CTNNBIP1: variants seen among roughly 807,000 people sequenced by gnomAD.
The protein encoded by CTNNBIP1 is beta-catenin-interacting protein 1.
CTNNBIP1 carries 7 observed loss-of-function variants against 11.8 expected under a neutral mutation model. That is an observed-to-expected ratio of 0.60 (90% CI 0.34 to 1.12). The LOEUF is 1.12. CTNNBIP1 is among the 50% of genes most tolerant of loss of function. The pLI, the probability that CTNNBIP1 is intolerant of heterozygous loss-of-function variation, is 0.03. For synonymous variants in CTNNBIP1, 58 were observed against 43.9 expected, an observed-to-expected ratio of 1.32 and a Z score of -1.26; for missense variants, 101 against 113.4, an observed-to-expected ratio of 0.89 and a Z score of 0.50.
chr1:9,871,230 G>T lies in CTNNBIP1; in HGVS notation c.144C>A (p.Val48=). 6.3e-7 allele frequency: 1 copy of T among 1,581,914 alleles called. No individual in the cohort carries two copies. The highest frequency in any genetic ancestry group is 8.6e-7 in the Non-Finnish European group (1 of 1,164,836). ...EEFLRTYAGV[V]NSQLSQLPPH... ...GAGGCAGCTGGCTGAGCTGGCTGTT[G>T]ACCACCCCTGCATAGGTGCGCAGGA... Residue 48 remains valine (V), a synonymous_variant, in exon 5 of 6, where the codon GTC becomes GTA. Coordinates refer to ENST00000377263, the MANE Select transcript of CTNNBIP1 (RefSeq NM_020248.3). This position sits in a 1 kb window ranked among gnomAD's most constrained non-coding sequence, Gnocchi z 5.2.
At chr1:9,865,773 T>C (rs567673715) in intron 5 of CTNNBIP1, among the ~76,000 whole-genome samples, 4 of 152,304 alleles carry the variant, frequency 2.6e-5, no homozygotes, top group African/African-American at 9.6e-5. Flanking sequence ...ATTTCAAACT[T>C]TTCTGCTCTT....
Position 9,872,809 on chromosome 1 carries a change from A to G in CTNNBIP1, c.-24-721T>C, listed in dbSNP as rs1638892378. ...GGGACCTAACCTGTAGAAAGTCCCC[A>G]GGAGAGAAGTCCAGAGCCCCCTCCC... On this transcript the variant is annotated intron_variant, in intron 3 of 5. Coordinates refer to ENST00000377263, the MANE Select transcript of CTNNBIP1 (RefSeq NM_020248.3). This position sits in a 1 kb window ranked among gnomAD's most constrained non-coding sequence, Gnocchi z 4.0. 6.6e-6 allele frequency among the ~76,000 whole-genome samples: 1 copy of G among 152,192 alleles called. No homozygotes were observed. The highest frequency in any genetic ancestry group is 6.5e-5 in the Admixed American group (1 of 15,280).
chr1:9,908,971 C>T (rs1639675808), intron 1 of CTNNBIP1, among the ~76,000 whole-genome samples: 1 of 152,250 alleles, frequency 6.6e-6, no homozygotes, highest in African/African-American at 2.4e-5. Context: ...TGGCATTTAA[C>T]AGCCCGCACC....
chr1:9,896,965 TCAAA>T (rs1639420576), intron 1 of CTNNBIP1, among the ~76,000 whole-genome samples: 1 of 142,996 alleles, frequency 7.0e-6, no homozygotes, highest in Admixed American at 7.2e-5. Context: ...AGATTCTGTC[TCAAA>T]CAAACAAAAA....
chr1:9,887,396 C>T (rs1184689514), intron 1 of CTNNBIP1, among the ~76,000 whole-genome samples: 2 of 152,182 alleles, frequency 1.3e-5, no homozygotes, highest in African/African-American at 2.4e-5. Flanking sequence ...AGTTGACAGA[C>T]GCATTATCCA....
At chr1:9,853,669 C>A (rs556738535) in intron 5 of CTNNBIP1, among the ~76,000 whole-genome samples, 5 of 152,228 alleles carry the variant, frequency 3.3e-5, no homozygotes, top group Admixed American at 2.6e-4. Context: ...TCTGTCTCCC[C>A]CCTTGGTATC....
intron 5 of CTNNBIP1, among the ~76,000 whole-genome samples, chr1:9,864,482 C>T (rs942063754): frequency 8.5e-5 from 13 of 152,350 alleles, no homozygotes; most frequent in Non-Finnish European, 1.9e-4. Context: ...GCGCCCGCCA[C>T]CACGCCCGGC....
intron 1 of CTNNBIP1, among the ~76,000 whole-genome samples, chr1:9,896,601 G>A (rs774220279): frequency 1.2e-4 from 18 of 151,928 alleles, no homozygotes; most frequent in African/African-American, 4.4e-4. Context: ...TTGGGAGGCC[G>A]AGGTGGGCAG....
At chr1:9,905,654 T>C (rs1639603199) in intron 1 of CTNNBIP1, among the ~76,000 whole-genome samples, 1 of 151,558 alleles carries the variant, frequency 6.6e-6, no homozygotes, top group Admixed American at 6.6e-5. Context: ...ATGGTCTCGA[T>C]CTCCTGACCT....
rs1283072847 is a variant in CTNNBIP1, at chr1:9,883,014, G to A, written c.-110+691C>T. On this transcript the variant is annotated intron_variant, in intron 2 of 5. Transcript: ENST00000377263. The surrounding 1 kb of genome is among the most constrained non-coding windows in gnomAD (Gnocchi z 5.6). ...ATGGGGGGCCTCAGGAAGAAAACACGTGCAAGCACGGGTGGGGCAGCCGCA... is the reference window on the plus strand; with the variant it reads ...ATGGGGGGCCTCAGGAAGAAAACACATGCAAGCACGGGTGGGGCAGCCGCA... Among the ~76,000 whole-genome samples the A allele has an allele frequency of 2.6e-5, 4 of 152,196 alleles. No individual in the cohort carries two copies. Among genetic ancestry groups the A allele is most frequent in the East Asian group, 3.9e-4 (2 of 5,188 alleles).
At chr1:9,856,489 AT>A (rs1638504653) in intron 5 of CTNNBIP1, among the ~76,000 whole-genome samples, 3 of 151,338 alleles carry the variant, frequency 2.0e-5, no homozygotes, top group Non-Finnish European at 4.4e-5. Flanking sequence ...GTAAGGGACT[AT>A]TACGCAAAAT....
At position 9,851,665 on chromosome 1, in the gene CTNNBIP1, C is replaced by G. The variant is rs1248776019; in HGVS notation, c.188-889G>C. On this transcript the variant is annotated intron_variant, in intron 5 of 5. Coordinates refer to ENST00000377263, the MANE Select transcript of CTNNBIP1 (RefSeq NM_020248.3). This position sits in a 1 kb window ranked among gnomAD's most constrained non-coding sequence, Gnocchi z 4.8. ...GGATTATAGGCAGGAGCCACCGTGCCCAGCCAATCCTTCTTTTTCTTAATC... is the reference window on the plus strand; with the variant it reads ...GGATTATAGGCAGGAGCCACCGTGCGCAGCCAATCCTTCTTTTTCTTAATC... Among the ~76,000 whole-genome samples, 1 of 152,186 alleles carries G rather than the reference C, an allele frequency of 6.6e-6. No homozygotes were observed. Among genetic ancestry groups the G allele is most frequent in the Non-Finnish European group, 1.5e-5 (1 of 68,032 alleles).
intron 5 of CTNNBIP1, among the ~76,000 whole-genome samples, chr1:9,863,108 C>G (rs1289538324): frequency 6.6e-6 from 1 of 151,926 alleles, no homozygotes; most frequent in East Asian, 1.9e-4. Flanking sequence ...CAGCTGGGGT[C>G]AAAGCGACCC....
intron 1 of CTNNBIP1, among the ~76,000 whole-genome samples, chr1:9,905,295 T>C (rs900077324): frequency 1.3e-5 from 2 of 152,190 alleles, no homozygotes; most frequent in African/African-American, 2.4e-5. Flanking sequence ...TCCACAAAGC[T>C]GTCCCCCTAG....
chr1:9,898,038 C>T (rs537855896), intron 1 of CTNNBIP1, among the ~76,000 whole-genome samples: 1 of 151,632 alleles, frequency 6.6e-6, no homozygotes, highest in Non-Finnish European at 1.5e-5. Context: ...TCGCTTGAAC[C>T]CAGAAGGCAG....
chr1:9,854,771 G>T (rs1233743380), intron 5 of CTNNBIP1, among the ~76,000 whole-genome samples: 1 of 152,054 alleles, frequency 6.6e-6, no homozygotes, highest in South Asian at 2.1e-4. Flanking sequence ...CCGCCTCCCA[G>T]GCTCAAGCAA....
At chr1:9,908,760 G>A (rs182598353) in intron 1 of CTNNBIP1, among the ~76,000 whole-genome samples, 10 of 152,268 alleles carry the variant, frequency 6.6e-5, no homozygotes, top group African/African-American at 1.4e-4. Context: ...CTTATTGTCT[G>A]ACTTTCCTCC....
At chr1:9,880,971 C>T (rs748006657) in intron 2 of CTNNBIP1, among the ~76,000 whole-genome samples, 26 of 152,148 alleles carry the variant, frequency 1.7e-4, no homozygotes, top group Non-Finnish European at 3.4e-4. Flanking sequence ...TGGACAGTCA[C>T]ACATGGCCTG....
intron 1 of CTNNBIP1, among the ~76,000 whole-genome samples, chr1:9,898,482 C>T (rs941868265): frequency 1.1e-4 from 17 of 152,056 alleles, no homozygotes; most frequent in Non-Finnish European, 2.1e-4. Flanking sequence ...CAAGATCGTG[C>T]CACTGCACTA....
Sources: gnomAD v4.1 joint callset for allele counts (sites outside exome capture counted in the v4.1 genomes callset) on GRCh38, gnomAD v4.1.1 for gene constraint, Gnocchi (gnomAD v3.1) non-coding constraint, MANE v1.5 for transcripts, NCBI Gene and HGNC (gene_info 2026-07-23, HGNC 2026-07-21) for gene names.